The following GABRB3 variants were observed in gnomAD, a reference collection of about 807,000 sequenced individuals.
The protein encoded by GABRB3 is gamma-aminobutyric acid receptor subunit beta-3.
In GABRB3, 14 loss-of-function variants were observed where a neutral mutation model predicts 52.1. That is an observed-to-expected ratio of 0.27 (90% CI 0.18 to 0.42). The LOEUF is 0.42. Among genes scored for constraint, GABRB3 ranks in the 10% least tolerant of loss-of-function variants. The probability of loss-of-function intolerance (pLI) is 1.00; values close to 1 mark genes in which losing one functional copy is unlikely to be tolerated. For missense variants in GABRB3, 307 were observed against 609.1 expected (o/e 0.50, Z 5.22); for synonymous variants, 260 against 232.3 (o/e 1.12, Z -1.08).
At chr15:26,698,115 G>A (rs1317248860) in intron 3 of GABRB3, among the ~76,000 whole-genome samples, 3 of 152,190 alleles carry the variant, frequency 2.0e-5, no homozygotes, top group African/African-American at 7.2e-5. Context: ...CAGATGCAAA[G>A]GAAGCTGCCA....
chr15:26,738,463 GTCT>G (rs762519108), intron 3 of GABRB3, among the ~76,000 whole-genome samples: 1 of 152,138 alleles, frequency 6.6e-6, no homozygotes, highest in Non-Finnish European at 1.5e-5. Flanking sequence ...CTGTCTCCTT[GTCT>G]TCTATGAGAA....
intron 4 of GABRB3, among the ~76,000 whole-genome samples, chr15:26,606,272 C>T (rs1224102958): frequency 6.6e-6 from 1 of 151,970 alleles, no homozygotes; most frequent in Admixed American, 6.6e-5. Flanking sequence ...TTGAATTGTA[C>T]ATTTAAACAT....
chr15:26,609,332 G>A (rs931336749), intron 4 of GABRB3, among the ~76,000 whole-genome samples: 22 of 152,034 alleles, frequency 1.4e-4, no homozygotes, highest in African/African-American at 4.6e-4. Flanking sequence ...AATGGAGGAT[G>A]GGGGGAATGG....
At chr15:26,676,138 G>A (rs1888061293) in intron 3 of GABRB3, among the ~76,000 whole-genome samples, 1 of 152,328 alleles carries the variant, frequency 6.6e-6, no homozygotes, top group South Asian at 2.1e-4. Flanking sequence ...CATAAGCACA[G>A]AGCACACCTT....
At chr15:26,662,703 C>A (rs1215232332) in intron 3 of GABRB3, among the ~76,000 whole-genome samples, 1 of 152,136 alleles carries the variant, frequency 6.6e-6, no homozygotes, top group African/African-American at 2.4e-5. Context: ...GCACAGTGCA[C>A]AGGCGTACCT....
At chr15:26,722,113 T>C (rs574911271) in intron 3 of GABRB3, among the ~76,000 whole-genome samples, 11 of 152,256 alleles carry the variant, frequency 7.2e-5, no homozygotes, top group African/African-American at 2.6e-4. Flanking sequence ...CTCACCTAAT[T>C]TCCTTCTTTT....
intron 8 of GABRB3, among the ~76,000 whole-genome samples, chr15:26,554,183 T>TAG (rs1889650024): frequency 3.3e-5 from 1 of 29,938 alleles, no homozygotes; most frequent in South Asian, 1.2e-3. Context: ...AAAGTATATA[T>TAG]ATATATACTA....
At chr15:26,669,536 C>G (rs1887822099) in intron 3 of GABRB3, among the ~76,000 whole-genome samples, 1 of 152,086 alleles carries the variant, frequency 6.6e-6, no homozygotes, top group South Asian at 2.1e-4. Context: ...CTTTTCCCTC[C>G]AAGAACGTGG....
At chr15:26,572,047 G>GAAAAA (rs67382387) in intron 6 of GABRB3, among the ~76,000 whole-genome samples, 2 of 53,096 alleles carry the variant, frequency 3.8e-5, no homozygotes, top group African/African-American at 1.2e-4. Context: ...TCCGTCTCAA[G>GAAAAA]AAAAAAAAAA....
chr15:26,754,683 T>C lies in GABRB3; in HGVS notation c.240+17719A>G, dbSNP rs1019271329. Among the ~76,000 whole-genome samples, 5 of 152,000 alleles carry C rather than the reference T, an allele frequency of 3.3e-5. No homozygotes were observed. The East Asian group carries it at 7.7e-4, about 24-fold the overall frequency. On this transcript the variant is annotated intron_variant, in intron 3 of 8. Coordinates refer to ENST00000311550, the MANE Select transcript of GABRB3 (RefSeq NM_000814.6). Reference sequence around the variant, plus strand: ...CCATGTAGGCAAAGTAAACTAATGGTTCACTAAACAACACCTCCAATGAAT... The same window carrying C: ...CCATGTAGGCAAAGTAAACTAATGGCTCACTAAACAACACCTCCAATGAAT...
At chr15:26,660,899 C>T (rs541979099) in intron 3 of GABRB3, among the ~76,000 whole-genome samples, 4 of 152,256 alleles carry the variant, frequency 2.6e-5, no homozygotes, top group South Asian at 2.1e-4. Context: ...AGTGCAGTAG[C>T]GTGCACTCAT....
rs530663201 is a variant in GABRB3, at chr15:26,640,047, TA to T, written c.241-18514del. Among the ~76,000 whole-genome samples, 16 of 152,316 alleles carry T rather than the reference TA, an allele frequency of 1.1e-4. No homozygotes were observed. The South Asian group carries it at 3.3e-3, about 32-fold the overall frequency. ...CTCAAAACGGAGAGCATTGTTTTAA[TA>T]AAGCAGGGCACTCCCTCAGCTACAA... On this transcript the variant is annotated intron_variant, in intron 3 of 8. Transcript: ENST00000311550.
At chr15:26,664,558 T>C (rs1887644008) in intron 3 of GABRB3, among the ~76,000 whole-genome samples, 1 of 152,120 alleles carries the variant, frequency 6.6e-6, no homozygotes, top group South Asian at 2.1e-4. Context: ...TATTTATTTA[T>C]TTTTAATTAT....
intron 3 of GABRB3, among the ~76,000 whole-genome samples, chr15:26,726,407 G>T (rs189255652): frequency 6.6e-6 from 1 of 152,262 alleles, no homozygotes; most frequent in African/African-American, 2.4e-5. Flanking sequence ...TAATTCACAA[G>T]TCTTATTTGA....
chr15:26,690,081 A>G (rs1006746265), intron 3 of GABRB3, among the ~76,000 whole-genome samples: 1 of 150,384 alleles, frequency 6.6e-6, no homozygotes, highest in African/African-American at 2.4e-5. Flanking sequence ...TTTTTTACCA[A>G]TCTGGAGAAT....
At chr15:26,698,030 A>T (rs1386174508) in intron 3 of GABRB3, among the ~76,000 whole-genome samples, 1 of 152,244 alleles carries the variant, frequency 6.6e-6, no homozygotes, top group Non-Finnish European at 1.5e-5. Flanking sequence ...GTCCCAGCTC[A>T]TCAACTAAGC....
chr15:26,628,887 G>A (rs1566783006), intron 3 of GABRB3: 7 of 1,337,116 alleles, frequency 5.2e-6, no homozygotes, highest in Non-Finnish European at 7.2e-6. Context: ...CTCAGGCCTT[G>A]GAAATCCGAG....
intron 3 of GABRB3, among the ~76,000 whole-genome samples, chr15:26,696,877 A>T (rs1888757365): frequency 6.6e-6 from 1 of 152,230 alleles, no homozygotes; most frequent in Non-Finnish European, 1.5e-5. Flanking sequence ...GACCCCTGGC[A>T]CTGCAACACT....
intron 3 of GABRB3, chr15:26,628,880 AGGCCTT>A: frequency 7.9e-7 from 1 of 1,263,536 alleles, no homozygotes. Context: ...GGAGGCTCTC[AGGCCTT>A]GGAAATCCGA....
Sources: allele counts gnomAD v4.1 joint callset (sites outside exome capture counted in the v4.1 genomes callset), GRCh38; gene constraint gnomAD v4.1.1; transcripts MANE v1.5; gene names NCBI Gene and HGNC (gene_info 2026-07-23, HGNC 2026-07-21).